The following ATP9B variants were observed in gnomAD, a reference collection of about 807,000 sequenced individuals.
ATP9B encodes the protein ATPase phospholipid transporting 9B, also known as probable phospholipid-transporting ATPase IIB.
A neutral mutation model predicts 146.1 loss-of-function variants in ATP9B; 110 were observed. The ratio of observed to expected loss-of-function variants is 0.75; its 90% CI spans 0.65 to 0.88. The LOEUF (loss-of-function observed/expected upper bound fraction) is 0.88, where lower values mean the gene tolerates loss of function less well. Ranked by LOEUF, ATP9B falls within the 40% of genes least tolerant of loss-of-function variation. The pLI is 0.00. For missense variants in ATP9B, 1,499 were observed against 1,496.4 expected, an observed-to-expected ratio of 1.00 and a Z score of -0.03; for synonymous variants, 604 against 569.7, an observed-to-expected ratio of 1.06 and a Z score of -0.86.
intron 1 of ATP9B, among the ~76,000 whole-genome samples, chr18:79,076,108 T>C (rs1287087876): frequency 6.6e-6 from 1 of 152,242 alleles, no homozygotes; most frequent in Non-Finnish European, 1.5e-5. Context: ...ATGTAGATTT[T>C]ACATATGTAA....
rs1441232631 is a variant in ATP9B at position 79,126,334 on chromosome 18, A to G, written c.626A>G (p.Lys209Arg). ...GAATTTCGGCGTTTTCAGCGTGACA[A>G]GGAAGTGAATTCACAACTATATAGC... ...IDEFRRFQRD[K>R]EVNSQLYSKL... The change falls in exon 5 of 30, where the codon AAG (lysine) becomes AGG (arginine). Residue 209 changes from lysine (K) to arginine (R), a missense_variant. Coordinates refer to ENST00000426216, the MANE Select transcript of ATP9B (RefSeq NM_198531.5). 5 of 1,612,130 alleles carry G rather than the reference A, an allele frequency of 3.1e-6. No individual in the cohort carries two copies. The highest frequency in any genetic ancestry group is 4.2e-6 in the Non-Finnish European group (5 of 1,178,620).
In ATP9B at chr18:79,344,281, A is replaced by G. The variant is rs910469443; in HGVS notation, c.2399A>G (p.Glu800Gly). The change falls in exon 21 of 30, where the codon GAG becomes GGG. Residue 800 changes from glutamate to glycine, a missense_variant. Glu to Gly is a moderately conservative substitution (Grantham distance 98). Coordinates refer to ENST00000426216, the MANE Select transcript of ATP9B (RefSeq NM_198531.5). ...TTAATGGAGGTAACCAGTCGGGGAG[A>G]GGCACATTTGGAGCTGAATGCATTT... ...HIFRQVTSRGEAHLELNAFRR... is the reference protein window; with the variant it reads ...HIFRQVTSRGGAHLELNAFRR... The G allele has an allele frequency of 6.2e-7, 1 of 1,614,102 alleles. No individual in the cohort carries two copies. Among genetic ancestry groups the G allele is most frequent in the East Asian group, 2.2e-5 (1 of 44,878 alleles).
At chr18:79,126,231 T>C in intron 4 of ATP9B, 36 bp from the exon 5 acceptor site, 1 of 1,525,892 alleles carries the variant, frequency 6.6e-7, no homozygotes, top group Non-Finnish European at 8.9e-7. Context: ...TTTGTTAAAG[T>C]TTAGTTTTCT....
Position 79,088,181 on chromosome 18 carries a change from C to G in ATP9B, c.120-8295C>G, listed in dbSNP as rs182050779. On this transcript the variant is annotated intron_variant, in intron 1 of 29. Coordinates refer to ENST00000426216, the MANE Select transcript of ATP9B (RefSeq NM_198531.5). ...TACAAAACATGATGTTGCTTATATT[C>G]CTTATCTTTCAGAACTCGTTGTGCT... Among the ~76,000 whole-genome samples the G allele has an allele frequency of 1.0e-3, 156 of 152,308 alleles. 2 individuals carry two copies. Among genetic ancestry groups the G allele is most frequent in the African/African-American group, 3.6e-3 (151 of 41,564 alleles).
intron 15 of ATP9B, among the ~76,000 whole-genome samples, chr18:79,311,336 C>T (rs1452406486): frequency 6.6e-6 from 1 of 152,110 alleles, no homozygotes; most frequent in Non-Finnish European, 1.5e-5. Context: ...AGGCCCTCCT[C>T]CACCAATATT....
chr18:79,262,654 T>A, intron 12 of ATP9B, among the ~76,000 whole-genome samples: 1 of 152,202 alleles, frequency 6.6e-6, no homozygotes, highest in African/African-American at 2.4e-5. Context: ...GGAAACCTGG[T>A]TAATACTGCT....
At chr18:79,124,798 G>A (rs564557136) in intron 4 of ATP9B, among the ~76,000 whole-genome samples, 1 of 152,326 alleles carries the variant, frequency 6.6e-6, no homozygotes, top group South Asian at 2.1e-4. Context: ...AGTACAGTCA[G>A]GCTGGAGAGA....
intron 5 of ATP9B, 84 bp from the exon 6 acceptor site, chr18:79,143,718 C>A (rs1377120146): frequency 3.5e-6 from 3 of 860,476 alleles, no homozygotes; most frequent in Non-Finnish European, 5.2e-6. Flanking sequence ...TAGCTTATTT[C>A]TAAAGTAATT....
intron 25 of ATP9B, among the ~76,000 whole-genome samples, chr18:79,352,128 C>T (rs1030385644): frequency 6.6e-6 from 1 of 152,192 alleles, no homozygotes; most frequent in African/African-American, 2.4e-5. Context: ...GTCTGTCTCC[C>T]CAGAGATTCT....
In ATP9B at chr18:79,118,384, G is replaced by GTTTTT. The variant is rs1304879263; in HGVS notation, c.558+5031_558+5035dup. Among the ~76,000 whole-genome samples the GTTTTT allele has an allele frequency of 8.3e-3, 607 of 73,438 alleles. 92 individuals are homozygous for GTTTTT. The highest frequency in any genetic ancestry group is 0.027 in the African/African-American group (500 of 18,644). The allele number at this position is 73,438 out of a possible 152,430, so 48.2% of individuals were successfully genotyped here. ...ATTTTAAAACACAATCATATTGAAC[G>GTTTTT]TTTTTGTTTTTTTTTTTTTTTTTTT... On this transcript the variant is annotated intron_variant, in intron 4 of 29. Coordinates refer to ENST00000426216, the MANE Select transcript of ATP9B (RefSeq NM_198531.5).
intron 25 of ATP9B, among the ~76,000 whole-genome samples, chr18:79,356,572 G>A (rs114004495): frequency 0.013 from 1,957 of 152,346 alleles, 45 homozygotes; most frequent in African/African-American, 0.045. Context: ...TACTGACACA[G>A]CAGCAACCTA....
chr18:79,130,010 G>T (rs776185131), intron 5 of ATP9B, among the ~76,000 whole-genome samples: 24 of 152,116 alleles, frequency 1.6e-4, no homozygotes, highest in Non-Finnish European at 3.4e-4. Context: ...CCAAAGTGCT[G>T]GGATTACAGG....
chr18:79,114,631 G>A (rs1022602705), intron 4 of ATP9B, among the ~76,000 whole-genome samples: 1 of 152,164 alleles, frequency 6.6e-6, no homozygotes, highest in Non-Finnish European at 1.5e-5. Context: ...TTTGAGGAAT[G>A]AGTAACTTTA....
chr18:79,214,136 A>G, intron 11 of ATP9B, 98 bp downstream of exon 11: 1 of 720,830 alleles, frequency 1.4e-6, no homozygotes, highest in Non-Finnish European at 2.1e-6. Flanking sequence ...TTGGCTTAAC[A>G]TATATCTTAA....
At chr18:79,330,471 A>G (rs150171629) in intron 17 of ATP9B, among the ~76,000 whole-genome samples, 3,670 of 150,394 alleles carry the variant, frequency 0.024, 122 homozygotes, top group African/African-American at 0.078. Flanking sequence ...GGAGTGCAGT[A>G]GCGCAATCTT....
At chr18:79,108,386 C>G (rs2075794058) in intron 2 of ATP9B, among the ~76,000 whole-genome samples, 1 of 152,014 alleles carries the variant, frequency 6.6e-6, no homozygotes, top group African/African-American at 2.4e-5. Context: ...CCTTTCCTAC[C>G]CTACCAAAAA....
chr18:79,281,946 C>T lies in ATP9B; in HGVS notation c.1411+4750C>T, dbSNP rs144421766. ...GATTCCAGTTGCCATTAAGAACATA[C>T]GTGGTACCTGGGAGGAGGTCAGCAT... On this transcript the variant is annotated intron_variant, in intron 13 of 29. Coordinates refer to ENST00000426216, the MANE Select transcript of ATP9B (RefSeq NM_198531.5). Among the ~76,000 whole-genome samples, 1,357 of 152,290 alleles carry T rather than the reference C, an allele frequency of 8.9e-3. 7 individuals carry two copies. The highest frequency in any genetic ancestry group is 0.023 in the African/African-American group (958 of 41,554).
At chr18:79,327,073 T>C (rs758856064) in intron 15 of ATP9B, among the ~76,000 whole-genome samples, 3 of 152,220 alleles carry the variant, frequency 2.0e-5, no homozygotes, top group Non-Finnish European at 4.4e-5. Context: ...TGCTACAGTC[T>C]CTCTAAGAGT....
At chr18:79,146,931 A>C (rs1214602844) in intron 6 of ATP9B, 1 of 152,296 alleles carries the variant, frequency 6.6e-6, no homozygotes, top group African/African-American at 2.4e-5. Context: ...AAAACAAAAA[A>C]ACCAAGACGC....
Sources: gnomAD v4.1 joint callset for allele counts (sites outside exome capture counted in the v4.1 genomes callset) on GRCh38, gnomAD v4.1.1 for gene constraint, MANE v1.5 for transcripts, NCBI Gene and HGNC (gene_info 2026-07-23, HGNC 2026-07-21) for gene names.